UGP2: variants seen among roughly 807,000 people sequenced by gnomAD.
UGP2 encodes UDP-glucose pyrophosphorylase 2, also known as UTP--glucose-1-phosphate uridylyltransferase.
Under a neutral mutation model 49.0 loss-of-function variants are expected in UGP2, and 40 were observed. That is an observed-to-expected ratio of 0.82 (90% confidence interval 0.63 to 1.06). The LOEUF is 1.06. UGP2 is among the 50% of genes least tolerant of loss of function. The probability of loss-of-function intolerance (pLI) is 0.00; values close to 1 mark genes in which losing one functional copy is unlikely to be tolerated. For missense variants in UGP2, 460 were observed against 603.5 expected, an observed-to-expected ratio of 0.76 and a Z score of 2.49; for synonymous variants, 225 against 213.0, an observed-to-expected ratio of 1.06 and a Z score of -0.49.
chr2:63,858,327 C>T (rs962411523), intron 3 of UGP2, among the ~76,000 whole-genome samples: 2 of 152,156 alleles, frequency 1.3e-5, no homozygotes, highest in East Asian at 1.9e-4. Flanking sequence ...AAGCTCTCTT[C>T]TTGTATTTTA....
Position 63,885,852 on chromosome 2 carries a change from T to G in UGP2, c.839T>G (p.Met280Arg), listed in dbSNP as rs757056656. Reference sequence around the variant, plus strand: ...AATGGAAAACGCTGTGAATTTGTCATGGAAGTCACAAATAAAACACGTGCA... The same window carrying G: ...AATGGAAAACGCTGTGAATTTGTCAGGGAAGTCACAAATAAAACACGTGCA... Reference protein sequence around the residue: ...PPNGKRCEFVMEVTNKTRADV... With the variant: ...PPNGKRCEFVREVTNKTRADV... The change falls in exon 6 of 10, where the codon ATG becomes AGG. Residue 280 changes from methionine to arginine, a missense_variant. Met to Arg is a moderately conservative substitution (Grantham distance 91). Transcript: ENST00000337130. 3.8e-6 allele frequency: 6 copies of G among 1,598,884 alleles called. No homozygotes were observed. The highest frequency in any genetic ancestry group is 5.1e-6 in the Non-Finnish European group (6 of 1,173,848).
intron 1 of UGP2, among the ~76,000 whole-genome samples, chr2:63,845,219 A>G (rs1671849281): frequency 6.6e-6 from 1 of 152,204 alleles, no homozygotes; most frequent in South Asian, 2.1e-4. Flanking sequence ...CTAGCAGGTG[A>G]TCTTAGGCAC....
At chr2:63,874,429 TG>T (rs1240568002) in intron 3 of UGP2, among the ~76,000 whole-genome samples, 3 of 152,294 alleles carry the variant, frequency 2.0e-5, no homozygotes, top group Admixed American at 1.3e-4. Flanking sequence ...CAGCCGAGTA[TG>T]TTATATTGCC....
chr2:63,875,563 A>T (rs1017358227), intron 3 of UGP2, among the ~76,000 whole-genome samples: 6 of 152,340 alleles, frequency 3.9e-5, no homozygotes, highest in African/African-American at 1.4e-4. Flanking sequence ...TAAAAATCTC[A>T]TTCCACTTTC....
chr2:63,862,557 G>A (rs1351540779), intron 3 of UGP2, among the ~76,000 whole-genome samples: 2 of 152,040 alleles, frequency 1.3e-5, no homozygotes, highest in East Asian at 1.9e-4. Flanking sequence ...TTTAGAAATA[G>A]CAATAGCAAA....
intron 1 of UGP2, among the ~76,000 whole-genome samples, chr2:63,846,436 TTG>T: frequency 1.9e-5 from 1 of 51,536 alleles, no homozygotes; most frequent in African/African-American, 7.5e-5. Context: ...ATTAGAGGCA[TTG>T]TTTTTTTAAA....
chr2:63,866,503 G>C (rs1005381060), intron 3 of UGP2, among the ~76,000 whole-genome samples: 1 of 152,140 alleles, frequency 6.6e-6, no homozygotes, highest in African/African-American at 2.4e-5. Context: ...TTAAGGATAA[G>C]AGGTAATGTT....
chr2:63,874,178 GA>G (rs1305151936), intron 3 of UGP2, among the ~76,000 whole-genome samples: 3 of 152,092 alleles, frequency 2.0e-5, no homozygotes, highest in Admixed American at 1.3e-4. Context: ...AGTGAAAGGG[GA>G]AAAAAATGAT....
chr2:63,874,844 C>T (rs888935941), intron 3 of UGP2, among the ~76,000 whole-genome samples: 1 of 151,788 alleles, frequency 6.6e-6, no homozygotes, highest in Admixed American at 6.6e-5. Flanking sequence ...CTCTACAAAC[C>T]AGCTCCCCTC....
chr2:63,878,390 A>G (rs1182146571), intron 3 of UGP2, among the ~76,000 whole-genome samples: 2 of 152,162 alleles, frequency 1.3e-5, no homozygotes, highest in African/African-American at 2.4e-5. Context: ...TTTGTCTTTA[A>G]TATTTCTTCA....
At chr2:63,843,700 T>G (rs1235551408) in intron 1 of UGP2, among the ~76,000 whole-genome samples, 4 of 152,214 alleles carry the variant, frequency 2.6e-5, no homozygotes, top group Non-Finnish European at 4.4e-5. Flanking sequence ...TCCACTTTTT[T>G]TAAAAAAACT....
At chr2:63,889,817 T>TTA in intron 8 of UGP2, 1 of 237,354 alleles carries the variant, frequency 4.2e-6, no homozygotes, top group Non-Finnish European at 8.0e-6. Context: ...TGATTATCTT[T>TTA]AAAAAAAAAA....
intron 3 of UGP2, among the ~76,000 whole-genome samples, chr2:63,873,346 AG>A (rs1228388508): frequency 6.6e-6 from 1 of 152,208 alleles, no homozygotes; most frequent in African/African-American, 2.4e-5. Flanking sequence ...GTTTGGAGAG[AG>A]GTAAAGTTTA....
intron 8 of UGP2, 28 bp downstream of exon 8, chr2:63,887,672 C>A (rs754308431): frequency 1.9e-6 from 3 of 1,607,518 alleles, no homozygotes; most frequent in South Asian, 2.2e-5. Context: ...TATGTGAGTT[C>A]ATATTTCTTA....
At chr2:63,850,682 T>TA (rs1435808516) in intron 1 of UGP2, among the ~76,000 whole-genome samples, 3 of 152,204 alleles carry the variant, frequency 2.0e-5, no homozygotes, top group African/African-American at 7.2e-5. Context: ...ATATCCCTGA[T>TA]ACTTGACTAA....
intron 1 of UGP2, among the ~76,000 whole-genome samples, chr2:63,851,427 G>T (rs1345262069): frequency 6.6e-6 from 1 of 152,148 alleles, no homozygotes; most frequent in Non-Finnish European, 1.5e-5. Flanking sequence ...ATCAGTTGTG[G>T]TAGAAAGAAA....
intron 3 of UGP2, among the ~76,000 whole-genome samples, chr2:63,866,597 G>C (rs1033496879): frequency 5.3e-5 from 8 of 152,134 alleles, no homozygotes; most frequent in African/African-American, 1.9e-4. Flanking sequence ...GTGGTATGCA[G>C]ATACTCCAGG....
chr2:63,847,047 C>G (rs1189511189), intron 1 of UGP2, among the ~76,000 whole-genome samples: 2 of 152,022 alleles, frequency 1.3e-5, no homozygotes, highest in East Asian at 3.8e-4. Context: ...GTTAAATTGT[C>G]CGTGTTCTTG....
intron 2 of UGP2, 79 bp from the exon 3 acceptor site, chr2:63,857,750 T>A (rs1397940583): frequency 7.4e-7 from 1 of 1,359,554 alleles, no homozygotes; most frequent in Non-Finnish European, 1.0e-6. Flanking sequence ...ATTTTAAATG[T>A]GTAACTTGTA....
Sources: allele counts gnomAD v4.1 joint callset (sites outside exome capture counted in the v4.1 genomes callset), GRCh38; gene constraint gnomAD v4.1.1; transcripts MANE v1.5; gene names NCBI Gene and HGNC (gene_info 2026-07-23, HGNC 2026-07-21).